TMEM117: variants seen among roughly 807,000 people sequenced by gnomAD.
TMEM117 encodes the protein transmembrane protein 117.
TMEM117 carries 27 observed loss-of-function variants against 52.4 expected under a neutral mutation model. The observed-to-expected ratio is 0.51, with a 90% CI of 0.38 to 0.71. The LOEUF (loss-of-function observed/expected upper bound fraction) is 0.71, where lower values mean the gene tolerates loss of function less well. TMEM117 is among the 30% of genes least tolerant of loss of function. The probability of loss-of-function intolerance (pLI) is 0.00; values close to 1 mark genes in which losing one functional copy is unlikely to be tolerated. For synonymous variants in TMEM117, 215 were observed against 206.3 expected, an observed-to-expected ratio of 1.04 and a Z score of -0.36; for missense variants, 556 against 630.5, an observed-to-expected ratio of 0.88 and a Z score of 1.26.
At chr12:44,043,568 T>C (rs1946834497) in intron 3 of TMEM117, among the ~76,000 whole-genome samples, 1 of 152,162 alleles carries the variant, frequency 6.6e-6, no homozygotes, top group African/African-American at 2.4e-5. Context: ...CTTTCCACTT[T>C]TGAGGAGATA....
chr12:44,280,086 T>C (rs951777809), intron 5 of TMEM117, among the ~76,000 whole-genome samples: 2 of 152,168 alleles, frequency 1.3e-5, no homozygotes, highest in Non-Finnish European at 2.9e-5. Flanking sequence ...CTATATATAC[T>C]TTTTATTTTT....
intron 2 of TMEM117, among the ~76,000 whole-genome samples, chr12:43,857,009 T>C (rs1943412272): frequency 6.6e-6 from 1 of 152,172 alleles, no homozygotes; most frequent in African/African-American, 2.4e-5. Context: ...GTTCCTGTTA[T>C]GTTCTCTCTC....
intron 3 of TMEM117, among the ~76,000 whole-genome samples, chr12:44,105,798 A>G (rs1160805153): frequency 6.6e-6 from 1 of 151,982 alleles, no homozygotes; most frequent in Non-Finnish European, 1.5e-5. Context: ...GCATCATAAA[A>G]CAGTTTCTCT....
chr12:43,801,970 C>G, the TMEM117 span, among the ~76,000 whole-genome samples: 1 of 152,132 alleles, frequency 6.6e-6, no homozygotes, highest in Non-Finnish European at 1.5e-5. Context: ...GCAGAGGTTG[C>G]AGTGAGCCGA....
intron 6 of TMEM117, among the ~76,000 whole-genome samples, chr12:44,341,536 G>A (rs1371178293): frequency 6.6e-6 from 1 of 152,080 alleles, no homozygotes; most frequent in Non-Finnish European, 1.5e-5. Flanking sequence ...AGTTGATTCT[G>A]TATCTTTGTT....
chr12:44,275,052 C>G (rs901695389), intron 5 of TMEM117, among the ~76,000 whole-genome samples: 1 of 152,120 alleles, frequency 6.6e-6, no homozygotes, highest in Non-Finnish European at 1.5e-5. Flanking sequence ...AACTACCCAT[C>G]TGACGATGAA....
chr12:43,806,332 G>A, the TMEM117 span: 38 of 1,290,328 alleles, frequency 2.9e-5, no homozygotes, highest in Non-Finnish European at 3.5e-5. Flanking sequence ...CTCCTCCGCC[G>A]GCCCCGGCGC....
At chr12:44,114,119 G>C (rs1371468583) in intron 3 of TMEM117, among the ~76,000 whole-genome samples, 1 of 150,560 alleles carries the variant, frequency 6.6e-6, no homozygotes, top group Admixed American at 6.6e-5. Context: ...GCACTCCCTA[G>C]TGAGATGAAC....
At chr12:43,937,925 T>C (rs1944979377) in intron 2 of TMEM117, among the ~76,000 whole-genome samples, 1 of 152,116 alleles carries the variant, frequency 6.6e-6, no homozygotes, top group Non-Finnish European at 1.5e-5. Flanking sequence ...GACCACAGGC[T>C]TTTAGGCTCC....
chr12:44,164,932 A>G (rs1014748356), intron 4 of TMEM117, among the ~76,000 whole-genome samples: 1 of 152,186 alleles, frequency 6.6e-6, no homozygotes, highest in Non-Finnish European at 1.5e-5. Flanking sequence ...GAACAGCTCA[A>G]ATCTTCTGTT....
intron 4 of TMEM117, among the ~76,000 whole-genome samples, chr12:44,158,164 A>T (rs1300423463): frequency 6.6e-6 from 1 of 152,188 alleles, no homozygotes; most frequent in East Asian, 1.9e-4. Context: ...GAAGTAGCTG[A>T]GTAAAGATGG....
intron 6 of TMEM117, among the ~76,000 whole-genome samples, chr12:44,322,801 T>TA (rs1424501397): frequency 6.6e-6 from 1 of 152,080 alleles, no homozygotes; most frequent in East Asian, 1.9e-4. Context: ...GTAGGCAGAA[T>TA]AATGTGCTCC....
chr12:43,921,073 A>T (rs745691720), intron 2 of TMEM117, among the ~76,000 whole-genome samples: 41 of 152,096 alleles, frequency 2.7e-4, no homozygotes, highest in African/African-American at 9.2e-4. Context: ...GGCCCTATTG[A>T]TGCTCTTAAA....
intron 5 of TMEM117, among the ~76,000 whole-genome samples, chr12:44,259,608 TTAAG>T (rs1379267512): frequency 5.9e-5 from 9 of 152,156 alleles, no homozygotes; most frequent in African/African-American, 2.2e-4. Flanking sequence ...TAGTAGGTAA[TTAAG>T]TATGTTCCAC....
intron 2 of TMEM117, among the ~76,000 whole-genome samples, chr12:43,879,783 A>G (rs1157567289): frequency 2.6e-5 from 4 of 152,338 alleles, no homozygotes; most frequent in East Asian, 3.9e-4. Context: ...GGAGTAATCT[A>G]TCTCCAGGCC....
At chr12:44,390,042 T>C (rs906075413), downstream of TMEM117, among the ~76,000 whole-genome samples, 2 of 152,138 alleles carry the variant, frequency 1.3e-5, no homozygotes, top group African/African-American at 4.8e-5. Context: ...GCTTGCAGCA[T>C]ACTGAATTTA....
intron 5 of TMEM117, among the ~76,000 whole-genome samples, chr12:44,272,294 C>T (rs1205712744): frequency 1.3e-5 from 2 of 152,018 alleles, no homozygotes; most frequent in African/African-American, 4.8e-5. Flanking sequence ...ATCACTTCAC[C>T]ACTGAATTCT....
intron 3 of TMEM117, among the ~76,000 whole-genome samples, chr12:44,097,674 A>G (rs1348745524): frequency 7.0e-6 from 1 of 142,182 alleles, no homozygotes; most frequent in Admixed American, 7.0e-5. Flanking sequence ...ACGAGAACAC[A>G]TGGACATAGG....
chr12:43,982,150 G>T (rs1245239072), intron 3 of TMEM117, among the ~76,000 whole-genome samples: 1 of 152,136 alleles, frequency 6.6e-6, no homozygotes, highest in African/African-American at 2.4e-5. Flanking sequence ...ATATGCCAAT[G>T]AAAAATTTAA....
Sources: gnomAD v4.1 joint callset for allele counts (sites outside exome capture counted in the v4.1 genomes callset) on GRCh38, gnomAD v4.1.1 for gene constraint, MANE v1.5 for transcripts, NCBI Gene and HGNC (gene_info 2026-07-23, HGNC 2026-07-21) for gene names.